The following PAQR8 variants were observed in gnomAD, a reference collection of about 807,000 sequenced individuals.
PAQR8 encodes membrane progestin receptor beta.
In PAQR8, 17 loss-of-function variants were observed where a neutral mutation model predicts 25.2. That is an observed-to-expected ratio of 0.67 (90% CI 0.46 to 1.01). PAQR8 has a LOEUF of 1.01. Ranked by LOEUF, PAQR8 falls within the 50% of genes least tolerant of loss-of-function variation. The pLI, the probability that PAQR8 is intolerant of heterozygous loss-of-function variation, is 0.00. For missense variants in PAQR8, 392 were observed against 448.4 expected (o/e 0.87, Z 1.14); for synonymous variants, 204 against 190.6 (o/e 1.07, Z -0.58).
chr6:52,406,267 CTT>C lies in PAQR8; in HGVS notation c.*1990_*1991del, dbSNP rs1763907780. ...GTTTTCTTTATTACGGATTCAAAGA[CTT>C]ATTTTGAAAGTTGGAAGGAGAAGGG... On this transcript the variant is annotated 3_prime_UTR_variant, in exon 2 of 2. Transcript: ENST00000442253. 2.5e-6 allele frequency: 1 copy of C among 399,212 alleles called. No individual in the cohort carries two copies. Among genetic ancestry groups the C allele is most frequent in the African/African-American group, 2.1e-5 (1 of 48,304 alleles). 24.7% of individuals were successfully genotyped at this position (399,212 alleles called of 1,614,324 possible).
At chr6:52,379,619 C>CTTTTTTTTTTTTTTTTTTTTTG (rs1763528573) in intron 1 of PAQR8, among the ~76,000 whole-genome samples, 1 of 77,236 alleles carries the variant, frequency 1.3e-5, no homozygotes, top group Non-Finnish European at 2.5e-5. Flanking sequence ...ACCCAGCTTT[C>CTTTTTTTTTTTTTTTTTTTTTG]TTTTTTTTTT....
At chr6:52,367,442 C>G (rs1763366591) in intron 1 of PAQR8, among the ~76,000 whole-genome samples, 1 of 152,236 alleles carries the variant, frequency 6.6e-6, no homozygotes, top group African/African-American at 2.4e-5. Flanking sequence ...GCTTAACACA[C>G]AGAAGGATCG....
chr6:52,385,842 C>T (rs1436039075), intron 1 of PAQR8, among the ~76,000 whole-genome samples: 1 of 152,182 alleles, frequency 6.6e-6, no homozygotes, highest in African/African-American at 2.4e-5. Context: ...GCCATGATCA[C>T]ACCACTGCTC....
Position 52,362,861 on chromosome 6 carries a change from A to G in PAQR8, c.-53+612A>G, listed in dbSNP as rs115705614. The stretch of plus-strand genomic sequence containing the variant: ...GTCTAGGCATGTGCTTTCGCCGGGG[A>G]AAGATGGAGGGGGCTTCTCTGAGAG... On this transcript the variant is annotated intron_variant, in intron 1 of 1. Transcript: ENST00000442253. The surrounding 1 kb of genome is among the most constrained non-coding windows in gnomAD (Gnocchi z 4.1). Among the ~76,000 whole-genome samples the G allele has an allele frequency of 6.6e-6, 1 of 151,936 alleles. No homozygotes were observed. Among genetic ancestry groups the G allele is most frequent in the Non-Finnish European group, 1.5e-5 (1 of 67,946 alleles).
At chr6:52,392,131 C>T (rs1372496753) in intron 1 of PAQR8, among the ~76,000 whole-genome samples, 1 of 152,122 alleles carries the variant, frequency 6.6e-6, no homozygotes, top group East Asian at 1.9e-4. Context: ...TGCCTGAGCT[C>T]AGGAGTTCGA....
At position 52,407,685 on chromosome 6, in the gene PAQR8, A is replaced by G. The variant is rs1384204313; in HGVS notation, c.*3407A>G. Reference sequence around the variant, plus strand: ...TGTGTTTTGCTTGCTTGGCAAAAAAAAAAAAAAAAAAAAAAAAAAAAAAAA... The same window carrying G: ...TGTGTTTTGCTTGCTTGGCAAAAAAGAAAAAAAAAAAAAAAAAAAAAAAAA... On this transcript the variant is annotated 3_prime_UTR_variant, in exon 2 of 2. Transcript: ENST00000442253. 2 of 83,334 alleles carry G rather than the reference A, an allele frequency of 2.4e-5. No individual in the cohort carries two copies. The highest frequency in any genetic ancestry group is 7.7e-5 in the African/African-American group (2 of 26,086). The allele number at this position is 83,334 out of a possible 1,614,324, so 5.2% of individuals were successfully genotyped here. A position where few individuals can be genotyped will look rare whatever the true frequency, so the allele number is the denominator to read the frequency against.
chr6:52,403,417 CCT>C lies in PAQR8; in HGVS notation c.207_208del (p.Phe70SerfsTer30), dbSNP rs753111696. The part of the protein sequence containing the change: ...GHEWRYYFFS[L>X]FQKHNEVVNV... ...ACGAGTGGCGCTACTACTTCTTCAG[CCT>C]CTTTCAGAAACACAACGAGGTGGTC... On this transcript the variant is annotated frameshift_variant, in exon 2 of 2. Transcript: ENST00000442253. LOFTEE classifies it high-confidence loss of function. 2 of 1,614,254 alleles carry C rather than the reference CCT, an allele frequency of 1.2e-6. No individual in the cohort carries two copies. The highest frequency in any genetic ancestry group is 2.7e-5 in the African/African-American group (2 of 75,068).
chr6:52,370,951 C>T (rs1233162026), intron 1 of PAQR8, among the ~76,000 whole-genome samples: 1 of 152,136 alleles, frequency 6.6e-6, no homozygotes, highest in East Asian at 1.9e-4. Flanking sequence ...AATTAAATCA[C>T]TCATTGAAAA....
intron 1 of PAQR8, among the ~76,000 whole-genome samples, chr6:52,366,550 A>G (rs927044432): frequency 6.6e-6 from 1 of 152,224 alleles, no homozygotes; most frequent in Non-Finnish European, 1.5e-5. Flanking sequence ...ATTAGATCCC[A>G]ATATGTACTC....
At chr6:52,383,617 C>T (rs1199133581) in intron 1 of PAQR8, among the ~76,000 whole-genome samples, 2 of 148,390 alleles carry the variant, frequency 1.3e-5, no homozygotes, top group East Asian at 4.0e-4. Context: ...GCCGAGATCC[C>T]GCCACTGCAC....
At position 52,406,810 on chromosome 6, in the gene PAQR8, AC is replaced by A. The variant is rs1763915938; in HGVS notation, c.*2534del. The A allele has an allele frequency of 2.8e-6, 1 of 352,180 alleles. No homozygotes were observed. The highest frequency in any genetic ancestry group is 4.5e-5 in the East Asian group (1 of 22,334). The allele number at this position is 352,180 out of a possible 1,614,324, so 21.8% of individuals were successfully genotyped here. A position where few individuals can be genotyped will look rare whatever the true frequency, so the allele number is the denominator to read the frequency against. Reference sequence around the variant, plus strand: ...ACTCCTGAACTCAAGTGATCCGCCCACCTCAGCCTCCCAAAGTGTTGGGATT... The same window carrying A: ...ACTCCTGAACTCAAGTGATCCGCCCACTCAGCCTCCCAAAGTGTTGGGATT... On this transcript the variant is annotated 3_prime_UTR_variant, in exon 2 of 2. Coordinates refer to ENST00000442253, the MANE Select transcript of PAQR8 (RefSeq NM_133367.5).
chr6:52,365,004 G>A (rs1324651664), intron 1 of PAQR8, among the ~76,000 whole-genome samples: 2 of 152,096 alleles, frequency 1.3e-5, no homozygotes, highest in African/African-American at 2.4e-5. Flanking sequence ...TATTGTTATA[G>A]CTTATGGCTT....
intron 1 of PAQR8, among the ~76,000 whole-genome samples, chr6:52,393,582 C>T (rs985561136): frequency 6.6e-5 from 10 of 152,120 alleles, no homozygotes; most frequent in East Asian, 1.9e-4. Flanking sequence ...CCTCCCCGTT[C>T]GGCTTCCCAA....
chr6:52,394,582 A>C (rs1474811627), intron 1 of PAQR8, among the ~76,000 whole-genome samples: 1 of 152,244 alleles, frequency 6.6e-6, no homozygotes, highest in Non-Finnish European at 1.5e-5. Context: ...TGCAGCTCCC[A>C]GTCAGCCATG....
chr6:52,367,561 G>T lies in PAQR8; in HGVS notation c.-53+5312G>T, dbSNP rs116589160. 6.7e-3 allele frequency among the ~76,000 whole-genome samples: 1,016 copies of T among 152,322 alleles called. 7 individuals are homozygous for T. Among genetic ancestry groups the T allele is most frequent in the African/African-American group, 0.023 (977 of 41,584 alleles). ...TTTCTTAACCTATTATGTACAGAAA[G>T]AATTCAGGTTTCTTGTTTTCATTTG... On this transcript the variant is annotated intron_variant, in intron 1 of 1. Coordinates refer to ENST00000442253, the MANE Select transcript of PAQR8 (RefSeq NM_133367.5).
At chr6:52,399,747 T>G (rs889180553) in intron 1 of PAQR8, among the ~76,000 whole-genome samples, 4 of 152,190 alleles carry the variant, frequency 2.6e-5, no homozygotes, top group African/African-American at 9.7e-5. Flanking sequence ...TCATCTGGTT[T>G]GCTCTCTACT....
intron 1 of PAQR8, among the ~76,000 whole-genome samples, chr6:52,363,109 C>T (rs983453135): frequency 6.6e-6 from 1 of 152,164 alleles, no homozygotes; most frequent in Non-Finnish European, 1.5e-5. Flanking sequence ...CAAGACCGGG[C>T]ATCCCCAGAC....
In PAQR8 at chr6:52,403,561, C is replaced by T; in HGVS notation, c.348C>T (p.Ile116=). ...ACTCCCTGCCTCTGCTCCTCTTCAT[C>T]CTGTCGTCAATCACTTACCTCACCT... ...STHSLPLLLF[I]LSSITYLTCS... Residue 116 remains isoleucine (I), a synonymous_variant, in exon 2 of 2, where the codon ATC becomes ATT. Coordinates refer to ENST00000442253, the MANE Select transcript of PAQR8 (RefSeq NM_133367.5). The T allele has an allele frequency of 1.2e-6, 2 of 1,614,134 alleles. No homozygotes were observed. The highest frequency in any genetic ancestry group is 8.5e-7 in the Non-Finnish European group (1 of 1,180,042).
At position 52,392,594 on chromosome 6, in the gene PAQR8, T is replaced by C. The variant is rs1248643213; in HGVS notation, c.-52-10568T>C. Among the ~76,000 whole-genome samples the C allele has an allele frequency of 2.6e-5, 4 of 152,302 alleles. No individual in the cohort carries two copies. The East Asian group carries it at 7.7e-4, about 29-fold the overall frequency. On this transcript the variant is annotated intron_variant, in intron 1 of 1. Coordinates refer to ENST00000442253, the MANE Select transcript of PAQR8 (RefSeq NM_133367.5). ...GGAGCTTTTCTTTAATTCCCCACTT[T>C]GTTAATTTGGGAAAGGCTTTTTAGG...
Sources: allele counts gnomAD v4.1 joint callset (sites outside exome capture counted in the v4.1 genomes callset), GRCh38; gene constraint gnomAD v4.1.1; non-coding constraint Gnocchi (gnomAD v3.1); transcripts MANE v1.5; gene names NCBI Gene and HGNC (gene_info 2026-07-23, HGNC 2026-07-21).